Variants in DCLK1 observed in about 807,000 individuals in gnomAD.
DCLK1 encodes serine/threonine-protein kinase DCLK1.
A neutral mutation model predicts 86.2 loss-of-function variants in DCLK1; 16 were observed. That is an observed-to-expected ratio of 0.19 (90% confidence interval 0.13 to 0.28). The LOEUF (loss-of-function observed/expected upper bound fraction) is 0.28. Among genes scored for constraint, DCLK1 ranks in the 10% least tolerant of loss-of-function variants. The probability of loss-of-function intolerance (pLI) is 1.00; values close to 1 mark genes in which losing one functional copy is unlikely to be tolerated. For missense variants in DCLK1, 590 were observed against 940.2 expected, an observed-to-expected ratio of 0.63 and a Z score of 4.87; for synonymous variants, 369 against 370.5, an observed-to-expected ratio of 1.00 and a Z score of 0.05.
At chr13:35,867,888 A>AGG in intron 5 of DCLK1, among the ~76,000 whole-genome samples, 8 of 134,786 alleles carry the variant, frequency 5.9e-5, no homozygotes, top group Non-Finnish European at 1.3e-4. Context: ...GGAGAGAGAG[A>AGG]GAGAAAGAGA....
At chr13:35,976,343 C>T (rs1593785098) in intron 3 of DCLK1, among the ~76,000 whole-genome samples, 1 of 152,016 alleles carries the variant, frequency 6.6e-6, no homozygotes, top group East Asian at 1.9e-4. Flanking sequence ...GCCACACTGC[C>T]ACCTCAGCAT....
At position 36,047,551 on chromosome 13, in the gene DCLK1, C is replaced by T. The variant is rs554275944; in HGVS notation, c.723+64318G>A. Among the ~76,000 whole-genome samples the T allele has an allele frequency of 1.1e-3, 169 of 152,220 alleles. 2 individuals are homozygous for T. The highest frequency in any genetic ancestry group is 3.9e-3 in the African/African-American group (162 of 41,534). On this transcript the variant is annotated intron_variant, in intron 3 of 16. Transcript: ENST00000360631. ...TGTCATTAGCAACAACATGGATGAACCTGGAGGACATTATGCTAAGTGAAT... is the reference window on the plus strand; with the variant it reads ...TGTCATTAGCAACAACATGGATGAATCTGGAGGACATTATGCTAAGTGAAT...
chr13:35,891,730 C>T (rs1389237362), intron 4 of DCLK1, among the ~76,000 whole-genome samples: 3 of 152,276 alleles, frequency 2.0e-5, no homozygotes, highest in Admixed American at 6.5e-5. Context: ...GTCATAGCAT[C>T]GTCTGCACCG....
chr13:35,932,386 C>T (rs1876498343), intron 4 of DCLK1, among the ~76,000 whole-genome samples: 1 of 152,072 alleles, frequency 6.6e-6, no homozygotes, highest in African/African-American at 2.4e-5. Context: ...TAACACAAGC[C>T]ATTTCCTTAT....
chr13:35,774,602 T>A lies in DCLK1; in HGVS notation c.2156A>T (p.Asn719Ile). 1 of 1,592,042 alleles carries A rather than the reference T, an allele frequency of 6.3e-7. No homozygotes were observed. Among genetic ancestry groups the A allele is most frequent in the Non-Finnish European group, 8.6e-7 (1 of 1,167,954 alleles). The change falls in exon 17 of 17, where the codon AAC becomes ATC. Residue 719 changes from asparagine to isoleucine, a missense_variant. Asn to Ile is a moderately radical substitution (Grantham distance 149, BLOSUM62 -3). This residue lies in a region of DCLK1 where 146 missense variants were observed against 190.2 expected (regional missense o/e 0.77). Transcript: ENST00000360631. Reference sequence around the variant, plus strand: ...TGGGGAGTAGTCTTCCGATTCCGAGTTGAGTTCGGGAGGAGCTGGCTGCGC... The same window carrying A: ...TGGGGAGTAGTCTTCCGATTCCGAGATGAGTTCGGGAGGAGCTGGCTGCGC... ...YKAQPAPPEL[N>I]SESEDYSPSS...
At chr13:36,042,089 T>C (rs1882720584) in intron 3 of DCLK1, among the ~76,000 whole-genome samples, 1 of 152,154 alleles carries the variant, frequency 6.6e-6, no homozygotes, top group Non-Finnish European at 1.5e-5. Flanking sequence ...TTTGCTTCAG[T>C]GGCTCAGGTC....
chr13:35,877,824 AT>A (rs1470497961), intron 4 of DCLK1, among the ~76,000 whole-genome samples: 1 of 152,216 alleles, frequency 6.6e-6, no homozygotes, highest in Non-Finnish European at 1.5e-5. Flanking sequence ...CTCTGTTGCT[AT>A]ATGCAAAAGA....
At chr13:35,902,294 C>A (rs1183068453) in intron 4 of DCLK1, among the ~76,000 whole-genome samples, 1 of 152,206 alleles carries the variant, frequency 6.6e-6, no homozygotes, top group Non-Finnish European at 1.5e-5. Context: ...CCAGTTGCCA[C>A]AAATCTGTGG....
chr13:35,824,644 C>G (rs527742000), intron 10 of DCLK1, among the ~76,000 whole-genome samples: 2 of 152,172 alleles, frequency 1.3e-5, no homozygotes, highest in Non-Finnish European at 2.9e-5. Flanking sequence ...CTGCTTCCCT[C>G]CGTGAGCTCC....
At chr13:35,894,973 G>T (rs370716140) in intron 4 of DCLK1, among the ~76,000 whole-genome samples, 2 of 152,150 alleles carry the variant, frequency 1.3e-5, no homozygotes, top group African/African-American at 4.8e-5. Context: ...TTGAGACAGG[G>T]TCTAGCTCTG....
At chr13:35,898,749 T>C (rs955131904) in intron 4 of DCLK1, among the ~76,000 whole-genome samples, 3 of 152,168 alleles carry the variant, frequency 2.0e-5, no homozygotes, top group Admixed American at 2.0e-4. Flanking sequence ...TTTTCTTTTT[T>C]TTTTCTTTTT....
At chr13:35,967,866 T>C (rs1234603417) in intron 3 of DCLK1, among the ~76,000 whole-genome samples, 2 of 150,344 alleles carry the variant, frequency 1.3e-5, no homozygotes, top group Admixed American at 1.3e-4. Context: ...AAAATAAAAA[T>C]ACAAAAGTTA....
chr13:35,898,386 G>T (rs1027994819), intron 4 of DCLK1, among the ~76,000 whole-genome samples: 6 of 152,180 alleles, frequency 3.9e-5, no homozygotes, highest in Admixed American at 3.3e-4. Context: ...ATGAAGTCTT[G>T]CAAGTATGCA....
intron 2 of DCLK1, among the ~76,000 whole-genome samples, chr13:36,115,153 G>A (rs1233478002): frequency 2.6e-5 from 4 of 152,044 alleles, no homozygotes; most frequent in South Asian, 4.1e-4. Context: ...GCAACAAAGC[G>A]AGATCCCATC....
intron 5 of DCLK1, among the ~76,000 whole-genome samples, chr13:35,856,110 G>T (rs565004975): frequency 1.3e-5 from 2 of 152,154 alleles, no homozygotes; most frequent in Non-Finnish European, 2.9e-5. Context: ...GCATTAATTT[G>T]TAGTTTTGCT....
chr13:35,870,015 C>G (rs1358383729), intron 5 of DCLK1, among the ~76,000 whole-genome samples: 1 of 152,152 alleles, frequency 6.6e-6, no homozygotes, highest in Non-Finnish European at 1.5e-5. Flanking sequence ...TTAGCAATGC[C>G]TCATTTTAGG....
intron 3 of DCLK1, among the ~76,000 whole-genome samples, chr13:35,952,257 A>G (rs1877733568): frequency 6.6e-6 from 1 of 152,184 alleles, no homozygotes; most frequent in South Asian, 2.1e-4. Flanking sequence ...TTCTTTTCTA[A>G]GTTGATTTGA....
intron 3 of DCLK1, among the ~76,000 whole-genome samples, chr13:36,086,886 T>G (rs914025790): frequency 1.3e-5 from 2 of 152,154 alleles, no homozygotes; most frequent in African/African-American, 4.8e-5. Flanking sequence ...GGAATTTGGG[T>G]TGGTTCCAAG....
intron 3 of DCLK1, among the ~76,000 whole-genome samples, chr13:36,091,906 A>G (rs1406734631): frequency 6.6e-6 from 1 of 152,020 alleles, no homozygotes. Flanking sequence ...CCCAAATCCA[A>G]TACAGCTGTC....
Sources: gnomAD v4.1 joint callset for allele counts (sites outside exome capture counted in the v4.1 genomes callset) on GRCh38, gnomAD v4.1.1 for gene constraint, gnomAD v4.1.1 regional missense constraint, MANE v1.5 for transcripts, NCBI Gene and HGNC (gene_info 2026-07-23, HGNC 2026-07-21) for gene names.